The following XDH variants were observed in gnomAD, a reference collection of about 807,000 sequenced individuals.
The protein encoded by XDH is xanthine dehydrogenase.
XDH carries 138 observed loss-of-function variants against 156.1 expected under a neutral mutation model. The ratio of observed to expected loss-of-function variants is 0.88; its 90% CI spans 0.77 to 1.02. The LOEUF (loss-of-function observed/expected upper bound fraction) is 1.02. XDH is among the 50% of genes least tolerant of loss of function. XDH has a pLI of 0.00. For missense variants in XDH, 1,849 were observed against 1,684.9 expected (o/e 1.10, Z -1.71); for synonymous variants, 669 against 625.7 (o/e 1.07, Z -1.03).
At chr2:31,356,694 G>T (rs1317769413) in intron 24 of XDH, among the ~76,000 whole-genome samples, 1 of 152,132 alleles carries the variant, frequency 6.6e-6, no homozygotes, top group Non-Finnish European at 1.5e-5. Flanking sequence ...ATAAATGTTC[G>T]TTATTTTAAG....
At chr2:31,374,055 CTTG>C in intron 15 of XDH, 99 bp from the exon 16 acceptor site, 1 of 1,217,764 alleles carries the variant, frequency 8.2e-7, no homozygotes, top group Non-Finnish European at 1.2e-6. Flanking sequence ...AACTGATCCC[CTTG>C]TCTCTTCACT....
intron 13 of XDH, among the ~76,000 whole-genome samples, chr2:31,378,270 T>C (rs1686331436): frequency 6.6e-6 from 1 of 151,920 alleles, no homozygotes; most frequent in African/African-American, 2.4e-5. Context: ...TTAAACACAT[T>C]TTCCTTCCTG....
intron 14 of XDH, 85 bp from the exon 15 acceptor site, chr2:31,375,639 G>A: frequency 1.4e-6 from 2 of 1,479,786 alleles, no homozygotes; most frequent in South Asian, 2.4e-5. Context: ...GGGCCTCGGA[G>A]CTGTACAAAG....
Position 31,375,508 on chromosome 2 carries a change from C to A in XDH, c.1474G>T (p.Glu492Ter). The stretch of plus-strand genomic sequence containing the variant: ...GCATCGGGAGGCAGATGCAGCTCCT[C>A]TGCCAGTCCTGCACACACGTCCTGC... ...LLQDVCAGLA[E>*]ELHLPPDAPG... Residue 492 changes from glutamate to a stop codon, truncating the protein, a stop_gained, in exon 15 of 36, where the codon GAG becomes TAG. Transcript: ENST00000379416. LOFTEE classifies it high-confidence loss of function. 1.2e-6 allele frequency: 2 copies of A among 1,614,088 alleles called. No individual in the cohort carries two copies. The highest frequency in any genetic ancestry group is 1.7e-6 in the Non-Finnish European group (2 of 1,180,048).
chr2:31,366,240 C>T, intron 21 of XDH, 131 bp from the exon 22 acceptor site: 1 of 1,531,330 alleles, frequency 6.5e-7, no homozygotes, highest in Non-Finnish European at 9.0e-7. Context: ...ATTGAAAATC[C>T]CATGCAGCTT....
intron 21 of XDH, 132 bp from the exon 22 acceptor site, chr2:31,366,241 C>T: frequency 2.0e-6 from 3 of 1,530,290 alleles, no homozygotes; most frequent in Non-Finnish European, 2.7e-6. Flanking sequence ...TTGAAAATCC[C>T]ATGCAGCTTT....
intron 5 of XDH, 65 bp from the exon 6 acceptor site, chr2:31,397,794 C>G: frequency 6.3e-7 from 1 of 1,595,706 alleles, no homozygotes. Flanking sequence ...GAGTTTGTGA[C>G]TTTGCTTGCA....
chr2:31,387,501 G>C (rs1415069445), intron 8 of XDH, among the ~76,000 whole-genome samples: 5 of 152,146 alleles, frequency 3.3e-5, no homozygotes, highest in Non-Finnish European at 7.4e-5. Flanking sequence ...AATGGTTATA[G>C]TGAACCTGCT....
intron 2 of XDH, among the ~76,000 whole-genome samples, chr2:31,405,611 T>C (rs556545177): frequency 3.9e-5 from 6 of 152,302 alleles, no homozygotes; most frequent in Admixed American, 1.3e-4. Context: ...GGAATGACCA[T>C]GAAGCTCACC....
At position 31,366,911 on chromosome 2, in the gene XDH, T is replaced by G; in HGVS notation, c.2281A>C (p.Met761Leu). Residue 761 changes from methionine to leucine, a missense_variant, in exon 21 of 36, where the codon ATG becomes CTG. Transcript: ENST00000379416. ...TTCTGTGTAGACACAAAGAGCTCCA[T>G]CTCCCCTGCCTCGCCTTTTGGAACA... ...IAVPKGEAGE[M>L]ELFVSTQNTM... 1 of 1,614,216 alleles carries G rather than the reference T, an allele frequency of 6.2e-7. No individual in the cohort carries two copies.
intron 15 of XDH, among the ~76,000 whole-genome samples, chr2:31,374,994 CCTTTCTTTCTTT>C (rs71405566): frequency 9.3e-4 from 125 of 134,312 alleles, no homozygotes; most frequent in African/African-American, 2.8e-3. Context: ...TTCTTTTTTT[CCTTTCTTTCTTT>C]CTTTCTTTCT....
intron 22 of XDH, 141 bp downstream of exon 22, chr2:31,365,835 G>C (rs1356995708): frequency 7.1e-7 from 1 of 1,418,008 alleles, no homozygotes; most frequent in Non-Finnish European, 9.7e-7. Context: ...ATGCCCAAGG[G>C]TTCTAAAAAC....
Position 31,370,621 on chromosome 2 carries a change from T to C in XDH, c.1857-143A>G, listed in dbSNP as rs45517533. ...TCTCTGCTTCTTTTCTATTAGATTC[T>C]AATTCAATTATATCCTATTCTGCAA... is the stretch of plus-strand genomic sequence containing the variant. On this transcript the variant is annotated intron_variant, in intron 17 of 35. Coordinates refer to ENST00000379416, the MANE Select transcript of XDH (RefSeq NM_000379.4). The C allele has an allele frequency of 2.5e-4, 291 of 1,142,308 alleles. 4 individuals are homozygous for C. The East Asian group carries it at 7.4e-3, about 29-fold the overall frequency. The allele number at this position is 1,142,308 out of a possible 1,614,324, so 70.8% of individuals were successfully genotyped here. A position where few individuals can be genotyped will look rare whatever the true frequency, so the allele number is the denominator to read the frequency against.
At chr2:31,336,098 A>G in intron 35 of XDH, 90 bp from the exon 36 acceptor site, 2 of 1,393,952 alleles carry the variant, frequency 1.4e-6, no homozygotes, top group South Asian at 1.2e-5. Context: ...ACCACTGCCA[A>G]CCATCATTCC....
At chr2:31,350,621 G>A (rs942787553) in intron 24 of XDH, among the ~76,000 whole-genome samples, 27 of 152,058 alleles carry the variant, frequency 1.8e-4, no homozygotes, top group South Asian at 8.3e-4. Flanking sequence ...TGATCCGCCC[G>A]CCTTGGCCTC....
At chr2:31,376,106 G>A (rs1032036913) in intron 14 of XDH, among the ~76,000 whole-genome samples, 2 of 152,074 alleles carry the variant, frequency 1.3e-5, no homozygotes, top group African/African-American at 4.8e-5. Flanking sequence ...AATAGTAATA[G>A]TAGTAGCAGT....
intron 31 of XDH, among the ~76,000 whole-genome samples, chr2:31,344,321 T>A (rs148544863): frequency 5.9e-4 from 90 of 152,294 alleles, no homozygotes; most frequent in Non-Finnish European, 9.6e-4. Flanking sequence ...ACAGCCTGGT[T>A]TCTGCAGGAG....
At chr2:31,349,944 C>T (rs1169553361) in intron 25 of XDH, 88 bp downstream of exon 25, 3 of 1,611,506 alleles carry the variant, frequency 1.9e-6, no homozygotes, top group Non-Finnish European at 2.5e-6. Context: ...TGTCATCTGC[C>T]CCCATGGGAG....
At chr2:31,411,265 A>G (rs1687335482) in intron 1 of XDH, among the ~76,000 whole-genome samples, 2 of 149,738 alleles carry the variant, frequency 1.3e-5, no homozygotes, top group South Asian at 4.2e-4. Context: ...TGGGCGACAC[A>G]GTGAAACCCT....
Sources: allele counts gnomAD v4.1 joint callset (sites outside exome capture counted in the v4.1 genomes callset), GRCh38; gene constraint gnomAD v4.1.1; transcripts MANE v1.5; gene names NCBI Gene and HGNC (gene_info 2026-07-23, HGNC 2026-07-21).